RELL1: variants seen among roughly 807,000 people sequenced by gnomAD.
The protein encoded by RELL1 is RELT like 1, also known as RELT-like protein 1.
RELL1 carries 10 observed loss-of-function variants against 23.0 expected under a neutral mutation model. The ratio of observed to expected loss-of-function variants is 0.43; its 90% CI spans 0.27 to 0.74. The LOEUF (loss-of-function observed/expected upper bound fraction) is 0.74. Ranked by LOEUF, RELL1 falls within the 30% of genes least tolerant of loss-of-function variation. RELL1 has a pLI of 0.19. For synonymous variants in RELL1, 146 were observed against 146.8 expected (o/e 0.99, Z 0.04); for missense variants, 315 against 364.4 (o/e 0.86, Z 1.10).
At chr4:37,647,490 C>T in intron 2 of RELL1, 51 bp from the exon 3 acceptor site, 5 of 1,257,336 alleles carry the variant, frequency 4.0e-6, no homozygotes, top group Non-Finnish European at 4.7e-6. Context: ...TCACCAGCAT[C>T]AAGTCAATCA....
At chr4:37,652,473 T>A (rs1383747948) in intron 1 of RELL1, among the ~76,000 whole-genome samples, 1 of 152,222 alleles carries the variant, frequency 6.6e-6, no homozygotes, top group Admixed American at 6.5e-5. Context: ...AAACAATGTT[T>A]TCTTTATTAA....
At chr4:37,684,625 C>G (rs2109322144) in intron 1 of RELL1, among the ~76,000 whole-genome samples, 1 of 152,300 alleles carries the variant, frequency 6.6e-6, no homozygotes, top group African/African-American at 2.4e-5. Flanking sequence ...GATTATGCAC[C>G]TATGTGTCCC....
chr4:37,603,869 A>G (rs1001278104), intron 6 of RELL1, among the ~76,000 whole-genome samples: 1 of 152,164 alleles, frequency 6.6e-6, no homozygotes, highest in Non-Finnish European at 1.5e-5. Context: ...CCTAGGCTTG[A>G]ATGCAATGGC....
intron 6 of RELL1, among the ~76,000 whole-genome samples, chr4:37,594,432 T>TC (rs1560318566): frequency 6.6e-6 from 1 of 152,192 alleles, no homozygotes; most frequent in African/African-American, 2.4e-5. Context: ...ACTTCACAGT[T>TC]CCCCATGAAC....
In RELL1 at chr4:37,686,191, G is replaced by A. The variant is rs1179643857; in HGVS notation, c.88+9C>T. ...GCACCCGGCGCCCCGGCTACGACCG[G>A]ACACTCACCCGGAGCCACCAGCGGC... On this transcript the variant is annotated intron_variant, in intron 1 of 6. Coordinates refer to ENST00000454158, the MANE Select transcript of RELL1 (RefSeq NM_001085400.2). 5.1e-6 allele frequency: 8 copies of A among 1,575,220 alleles called. No individual in the cohort carries two copies. Among genetic ancestry groups the A allele is most frequent in the South Asian group, 1.1e-5 (1 of 88,298 alleles).
chr4:37,667,012 C>T (rs1343608979), intron 1 of RELL1, among the ~76,000 whole-genome samples: 1 of 152,044 alleles, frequency 6.6e-6, no homozygotes, highest in African/African-American at 2.4e-5. Context: ...GTCCCCGCTA[C>T]TGCTGTTAGA....
intron 6 of RELL1, among the ~76,000 whole-genome samples, chr4:37,595,705 A>T (rs755497312): frequency 2.6e-5 from 4 of 151,722 alleles, no homozygotes; most frequent in Non-Finnish European, 5.9e-5. Flanking sequence ...TATTTGAATA[A>T]TGAGGCTTGT....
intron 6 of RELL1, among the ~76,000 whole-genome samples, chr4:37,602,663 CAG>C (rs1173801373): frequency 7.9e-5 from 12 of 152,242 alleles, no homozygotes; most frequent in African/African-American, 2.9e-4. Flanking sequence ...GATGAGAAGA[CAG>C]AGGATTTGCA....
intron 1 of RELL1, among the ~76,000 whole-genome samples, chr4:37,685,737 C>T (rs1389485491): frequency 6.6e-6 from 1 of 152,206 alleles, no homozygotes; most frequent in Non-Finnish European, 1.5e-5. Context: ...CAAAGTCCTC[C>T]AGGTTTTAGG....
At chr4:37,625,296 T>C (rs1719900826) in intron 6 of RELL1, among the ~76,000 whole-genome samples, 1 of 151,460 alleles carries the variant, frequency 6.6e-6, no homozygotes, top group Admixed American at 6.5e-5. Context: ...GAAAGTTCCA[T>C]GACACTGATC....
chr4:37,638,632 G>T, intron 3 of RELL1, 128 bp from the exon 4 acceptor site: 1 of 689,268 alleles, frequency 1.5e-6, no homozygotes, highest in Non-Finnish European at 2.4e-6. Context: ...TGGGGGCCTA[G>T]AGAAAGGAGG....
chr4:37,601,863 A>T (rs1719025240), intron 6 of RELL1, among the ~76,000 whole-genome samples: 1 of 152,118 alleles, frequency 6.6e-6, no homozygotes, highest in Non-Finnish European at 1.5e-5. Context: ...ATTTCCTTGA[A>T]ATGTTCGTGA....
At chr4:37,591,000 G>T in exon 7 of RELL1, 2 of 1,601,982 alleles carry the variant, frequency 1.2e-6, no homozygotes, top group South Asian at 1.1e-5. Context: ...AGACTGATTA[G>T]GGGAGGGGAT....
At chr4:37,647,548 G>C (rs937504656) in intron 2 of RELL1, 109 bp from the exon 3 acceptor site, 13 of 709,878 alleles carry the variant, frequency 1.8e-5, no homozygotes, top group Non-Finnish European at 2.8e-5. Flanking sequence ...AGCCTCAGGA[G>C]ATCACCCATG....
At chr4:37,604,842 C>CACACACATACACAG (rs1370152080) in intron 6 of RELL1, among the ~76,000 whole-genome samples, 7 of 114,414 alleles carry the variant, frequency 6.1e-5, no homozygotes, top group South Asian at 5.5e-4. Context: ...TACACACAGA[C>CACACACATACACAG]ACACACACAG....
At chr4:37,624,948 G>GA (rs1345262035) in intron 6 of RELL1, among the ~76,000 whole-genome samples, 1 of 152,182 alleles carries the variant, frequency 6.6e-6, no homozygotes, top group African/African-American at 2.4e-5. Context: ...TAACAGCAGT[G>GA]AATGTTTAGC....
intron 3 of RELL1, among the ~76,000 whole-genome samples, chr4:37,644,752 G>A (rs1246494701): frequency 2.6e-5 from 4 of 152,022 alleles, no homozygotes; most frequent in Non-Finnish European, 4.4e-5. Context: ...GAGCCAGCAC[G>A]CCCGGCCGCT....
At chr4:37,667,030 C>T (rs576299600) in intron 1 of RELL1, among the ~76,000 whole-genome samples, 1 of 151,930 alleles carries the variant, frequency 6.6e-6, no homozygotes, top group Admixed American at 6.5e-5. Flanking sequence ...AGAGAAAGGG[C>T]AAAGTAAAGG....
chr4:37,590,232 G>T, downstream of RELL1: 1 of 1,614,248 alleles, frequency 6.2e-7, no homozygotes, highest in South Asian at 1.1e-5. Context: ...CTCAGAGGCA[G>T]GGCTCAAAGA....
Sources: gnomAD v4.1 joint callset for allele counts (sites outside exome capture counted in the v4.1 genomes callset) on GRCh38, gnomAD v4.1.1 for gene constraint, MANE v1.5 for transcripts, NCBI Gene and HGNC (gene_info 2026-07-23, HGNC 2026-07-21) for gene names.